Variants in MYBBP1A observed in about 807,000 individuals in gnomAD.
MYBBP1A encodes the protein MYB binding protein 1a, also known as myb-binding protein 1A.
MYBBP1A carries 147 observed loss-of-function variants against 136.3 expected under a neutral mutation model. That is an observed-to-expected ratio of 1.08 (90% CI 0.94 to 1.24). MYBBP1A has a LOEUF of 1.24. Ranked by LOEUF, MYBBP1A falls within the 50% of genes most tolerant of loss-of-function variation. The pLI is 0.00. For missense variants in MYBBP1A, 2,060 were observed against 1,727.4 expected, an observed-to-expected ratio of 1.19 and a Z score of -3.41; for synonymous variants, 947 against 735.8, an observed-to-expected ratio of 1.29 and a Z score of -4.65.
intron 8 of MYBBP1A, 114 bp from the exon 9 acceptor site, chr17:4,550,467 C>T (rs1907417234): frequency 1.6e-6 from 2 of 1,247,506 alleles, no homozygotes; most frequent in Non-Finnish European, 2.2e-6. Context: ...AGCCCGGGGG[C>T]AGGCGGGCAA....
chr17:4,554,768 C>T, intron 2 of MYBBP1A, 93 bp downstream of exon 2: 2 of 1,243,172 alleles, frequency 1.6e-6, no homozygotes, highest in Non-Finnish European at 2.3e-6. Flanking sequence ...CTCGGGCTGC[C>T]CCTCCGCCAC....
intron 13 of MYBBP1A, 33 bp downstream of exon 13, chr17:4,547,925 G>A: frequency 6.9e-7 from 1 of 1,439,328 alleles, no homozygotes; most frequent in Non-Finnish European, 9.1e-7. Flanking sequence ...TAGAACCCCA[G>A]GCTCACAGCC....
chr17:4,550,623 C>T (rs1302622683), intron 8 of MYBBP1A, among the ~76,000 whole-genome samples: 2 of 152,262 alleles, frequency 1.3e-5, no homozygotes, highest in African/African-American at 2.4e-5. Context: ...GTCTGACTGC[C>T]CCAGCTTCAG....
chr17:4,546,604 G>C (rs745869020), intron 13 of MYBBP1A, among the ~76,000 whole-genome samples: 2 of 152,186 alleles, frequency 1.3e-5, no homozygotes, highest in Non-Finnish European at 2.9e-5. Flanking sequence ...TTCCCTCCAT[G>C]CTTGGCTTGG....
intron 8 of MYBBP1A, 116 bp downstream of exon 8, chr17:4,551,764 G>T (rs952490289): frequency 6.9e-6 from 6 of 870,208 alleles, no homozygotes; most frequent in Non-Finnish European, 1.9e-6. Context: ...CTACCCAGAC[G>T]GAGGGGACAC....
At position 4,552,151 on chromosome 17, in the gene MYBBP1A, C is replaced by T. The variant is rs1404598608; in HGVS notation, c.879G>A (p.Leu293=). The change falls in exon 7 of 26, where the codon CTG becomes CTA. Residue 293 remains leucine, a synonymous_variant. Transcript: ENST00000254718. The surrounding 1 kb of genome is among the most constrained non-coding windows in gnomAD (Gnocchi z 4.7). ...RFWKEVVEQG[L]LKMQFWPASY... is the part of the protein sequence containing the mutation. ...TGGCTGGCCAGAACTGCATCTTCAG[C>T]AGCCCTTGTTCCACCACCTCCTTCC... The T allele has an allele frequency of 1.9e-6, 3 of 1,614,032 alleles. No homozygotes were observed. The highest frequency in any genetic ancestry group is 2.5e-6 in the Non-Finnish European group (3 of 1,179,980).
rs1010838727 is a variant in MYBBP1A, at chr17:4,545,401, C to T, written c.2074-56G>A. The T allele has an allele frequency of 8.1e-6, 13 of 1,596,544 alleles. 1 individual carries two copies. The highest frequency in any genetic ancestry group is 3.3e-4 in the Middle Eastern group (2 of 6,036). ...TGCAGCCCCCGCCCTCCTCTCCAGG[C>T]CCCACTCAGCCTTGACCAAAGACCT... On this transcript the variant is annotated intron_variant, in intron 15 of 25. Transcript: ENST00000254718.
At position 4,539,901 on chromosome 17, in the gene MYBBP1A, C is replaced by T. The variant is rs1450711445; in HGVS notation, c.3501G>A (p.Lys1167=). 2 of 1,600,978 alleles carry T rather than the reference C, an allele frequency of 1.2e-6. No homozygotes were observed. Among genetic ancestry groups the T allele is most frequent in the African/African-American group, 1.3e-5 (1 of 74,918 alleles). Residue 1167 remains lysine (K), a synonymous_variant, in exon 26 of 26, where the codon AAG becomes AAA. Coordinates refer to ENST00000254718, the MANE Select transcript of MYBBP1A (RefSeq NM_014520.4). The part of the protein sequence containing the change: ...IPSATQSPIS[K]KRKKKGFLPE... ...GCAAGAATCCCTTTTTCTTCCGCTT[C>T]TTACTGATGGGGCTCTGGGTGGCAC...
In MYBBP1A at chr17:4,539,739, T is replaced by C. The variant is rs769058681; in HGVS notation, c.3663A>G (p.Pro1221=). ...KKRNRTKAKV[P]AQANGTPTTK... is the part of the protein sequence containing the mutation. Reference sequence around the variant, plus strand: ...TGGTTGGCGTCCCGTTTGCCTGGGCTGGGACCTTAGCCTTTGTCCTGTTCC... The same window carrying C: ...TGGTTGGCGTCCCGTTTGCCTGGGCCGGGACCTTAGCCTTTGTCCTGTTCC... The change falls in exon 26 of 26, where the codon CCA becomes CCG. Residue 1221 remains proline (P), a synonymous_variant. Transcript: ENST00000254718. The C allele has an allele frequency of 6.2e-7, 1 of 1,612,886 alleles. No individual in the cohort carries two copies. Among genetic ancestry groups the C allele is most frequent in the Admixed American group, 1.7e-5 (1 of 59,998 alleles).
Position 4,545,349 on chromosome 17 carries a change from G to C in MYBBP1A, c.2074-4C>G. On this transcript the variant is annotated splice_polypyrimidine_tract_variant and splice_region_variant and intron_variant, in intron 15 of 25. Coordinates refer to ENST00000254718, the MANE Select transcript of MYBBP1A (RefSeq NM_014520.4). ...CACTGGTCTCGGGGTTCAGCACCTG[G>C]GGAGGGGTGCCAGCCACTGACCCAT... 1 of 1,612,936 alleles carries C rather than the reference G, an allele frequency of 6.2e-7. No homozygotes were observed. The highest frequency in any genetic ancestry group is 8.5e-7 in the Non-Finnish European group (1 of 1,179,892).
At chr17:4,554,538 G>A (rs1907852500) in intron 2 of MYBBP1A, among the ~76,000 whole-genome samples, 1 of 152,188 alleles carries the variant, frequency 6.6e-6, no homozygotes, top group African/African-American at 2.4e-5. Flanking sequence ...CCCTTGTCAA[G>A]GCGCCTCAGA....
chr17:4,549,328 G>T lies in MYBBP1A; in HGVS notation c.1430+4C>A. On this transcript the variant is annotated splice_donor_region_variant and intron_variant, in intron 10 of 25. Coordinates refer to ENST00000254718, the MANE Select transcript of MYBBP1A (RefSeq NM_014520.4). ...GGAAGCTGGGAATCCAGCACAGCTCGCACCTGGCCACCTGCTCAGTCAAGG... is the reference window on the plus strand; with the variant it reads ...GGAAGCTGGGAATCCAGCACAGCTCTCACCTGGCCACCTGCTCAGTCAAGG... 1 of 1,609,440 alleles carries T rather than the reference G, an allele frequency of 6.2e-7. No individual in the cohort carries two copies.
At chr17:4,543,376 G>C (rs1906650691) in intron 19 of MYBBP1A, 3 of 637,510 alleles carry the variant, frequency 4.7e-6, no homozygotes, top group Admixed American at 6.0e-5. Context: ...GGGCGCTCCA[G>C]GGGAGAACAG....
intron 25 of MYBBP1A, 80 bp downstream of exon 25, chr17:4,540,268 T>C: frequency 6.7e-7 from 1 of 1,489,882 alleles, no homozygotes; most frequent in South Asian, 1.3e-5. Flanking sequence ...GCAGCGTGTG[T>C]GCAGCGTGTG....
Position 4,555,123 on chromosome 17 carries a change from C to A in MYBBP1A, c.198+4G>T. On this transcript the variant is annotated splice_donor_region_variant and intron_variant, in intron 1 of 25. Coordinates refer to ENST00000254718, the MANE Select transcript of MYBBP1A (RefSeq NM_014520.4). ...AGCCTCTGCCCCAGACCCCGCCACT[C>A]CACCTTCGGCCTGCCACGCAGATAC... The A allele has an allele frequency of 6.3e-7, 1 of 1,585,914 alleles. No individual in the cohort carries two copies. The highest frequency in any genetic ancestry group is 2.3e-5 in the East Asian group (1 of 43,302).
rs759940108 is a variant in MYBBP1A, at chr17:4,550,304, G to T, written c.1073C>A (p.Thr358Asn). 3 of 1,613,188 alleles carry T rather than the reference G, an allele frequency of 1.9e-6. No individual in the cohort carries two copies. In the South Asian group the frequency reaches 3.3e-5, roughly 18 times the overall value. The change falls in exon 9 of 26, where the codon ACC becomes AAC. Residue 358 changes from threonine to asparagine, a missense_variant. Physicochemically the swap from Thr to Asn is moderately conservative, Grantham distance 65. Coordinates refer to ENST00000254718, the MANE Select transcript of MYBBP1A (RefSeq NM_014520.4). ...GTCATCCTGGCACCCCTCTAGGAAG[G>T]TGCCCACGTAATCGTCCATCTCTGG... is the stretch of plus-strand genomic sequence containing the variant. ...FAPEMDDYVG[T>N]FLEGCQDDPE... is the part of the protein sequence containing the mutation.
chr17:4,554,226 T>C lies in MYBBP1A; in HGVS notation c.347A>G (p.Gln116Arg), dbSNP rs773522427. The change falls in exon 3 of 26, where the codon CAA becomes CGA. Residue 116 changes from glutamine to arginine, a missense_variant. Gln to Arg is a conservative substitution (Grantham distance 43). Transcript: ENST00000254718. ...CACCTGATGCAGGTCATATTTTTCT[T>C]GTATCTGCTGCAGGATGCTGCACAA... The part of the protein sequence containing the change: ...LPLCSILQQI[Q>R]EKYDLHQVKK... 4 of 1,613,914 alleles carry C rather than the reference T, an allele frequency of 2.5e-6. No homozygotes were observed. Among genetic ancestry groups the C allele is most frequent in the South Asian group, 1.1e-5 (1 of 91,084 alleles).
chr17:4,554,780 G>A (rs894905725), intron 2 of MYBBP1A, 81 bp downstream of exon 2: 2 of 1,387,160 alleles, frequency 1.4e-6, no homozygotes, highest in Non-Finnish European at 2.0e-6. Context: ...CTCCGCCACA[G>A]CTGAGACACC....
In MYBBP1A at chr17:4,548,734, A is replaced by G. The variant is rs1321601063; in HGVS notation, c.1431-85T>C. ...CTCCTTGGATGGTACCACCGAGGGT[A>G]CAAGGCCAGGAGGAGGAGGAGCCGC... On this transcript the variant is annotated intron_variant, in intron 10 of 25. Transcript: ENST00000254718. This position sits in a 1 kb window ranked among gnomAD's most constrained non-coding sequence, Gnocchi z 4.2. 6.4e-7 allele frequency: 1 copy of G among 1,570,754 alleles called. No individual in the cohort carries two copies. Among genetic ancestry groups the G allele is most frequent in the African/African-American group, 1.4e-5 (1 of 74,018 alleles).
Sources: gnomAD v4.1 joint callset for allele counts (sites outside exome capture counted in the v4.1 genomes callset) on GRCh38, gnomAD v4.1.1 for gene constraint, Gnocchi (gnomAD v3.1) non-coding constraint, MANE v1.5 for transcripts, NCBI Gene and HGNC (gene_info 2026-07-23, HGNC 2026-07-21) for gene names.